SPMAP1: variants seen among roughly 807,000 people sequenced by gnomAD.
SPMAP1 encodes sperm microtubule associated protein 1.
chr17:38,838,702 C>A, the SPMAP1 span, among the ~76,000 whole-genome samples: 1 of 152,082 alleles, frequency 6.6e-6, no homozygotes, highest in African/African-American at 2.4e-5. Flanking sequence ...TTGCTTGAGC[C>A]CAGCAGTTCA....
chr17:38,835,471 C>A, the SPMAP1 span: 3 of 1,014,218 alleles, frequency 3.0e-6, no homozygotes, highest in Non-Finnish European at 4.4e-6. Flanking sequence ...GCTGAACACG[C>A]AATCCACAAG....
At chr17:38,838,799 T>A in the SPMAP1 span, among the ~76,000 whole-genome samples, 1 of 150,888 alleles carries the variant, frequency 6.6e-6, no homozygotes, top group South Asian at 2.1e-4. Flanking sequence ...AAAGCCTTTT[T>A]CAAGGCCGGG....
At chr17:38,836,802 G>GAA in the SPMAP1 span, among the ~76,000 whole-genome samples, 1 of 151,750 alleles carries the variant, frequency 6.6e-6, no homozygotes, top group Non-Finnish European at 1.5e-5. Context: ...AACCAGGTTG[G>GAA]CCAGGCTGGT....
At chr17:38,837,002 T>C in the SPMAP1 span, 5 of 682,250 alleles carry the variant, frequency 7.3e-6, no homozygotes, top group East Asian at 1.3e-4. Flanking sequence ...TTAACTAATA[T>C]TAGGGGGCAC....
chr17:38,840,711 TG>T, the SPMAP1 span, among the ~76,000 whole-genome samples: 2 of 112,734 alleles, frequency 1.8e-5, no homozygotes, highest in African/African-American at 3.5e-5. Context: ...GAGGCTGAGG[TG>T]GGAAGGTTGC....
chr17:38,838,548 T>C, the SPMAP1 span, among the ~76,000 whole-genome samples: 3 of 151,880 alleles, frequency 2.0e-5, no homozygotes, highest in African/African-American at 7.3e-5. Flanking sequence ...TGAAGTGAGC[T>C]GAGATCGTGC....
At chr17:38,835,206 G>GTTCTCC in the SPMAP1 span, 1 of 1,614,216 alleles carries the variant, frequency 6.2e-7, no homozygotes, top group Admixed American at 1.7e-5. Context: ...AGAGGGAAGT[G>GTTCTCC]GGTGACCTCT....
chr17:38,837,321 T>G, the SPMAP1 span: 1 of 919,300 alleles, frequency 1.1e-6, no homozygotes, highest in Non-Finnish European at 1.8e-6. Flanking sequence ...TGCCCTGGGG[T>G]TTGCTGTGGG....
At chr17:38,839,752 A>G in the SPMAP1 span, among the ~76,000 whole-genome samples, 1 of 151,902 alleles carries the variant, frequency 6.6e-6, no homozygotes, top group Non-Finnish European at 1.5e-5. Context: ...GTGAGCCGAG[A>G]TCCTGCCACT....
chr17:38,837,227 G>C, the SPMAP1 span: 1 of 1,612,908 alleles, frequency 6.2e-7, no homozygotes, highest in Non-Finnish European at 8.5e-7. Context: ...ATCCCTTCCT[G>C]TACCGCCATG....
chr17:38,837,086 G>T, the SPMAP1 span: 2 of 1,240,024 alleles, frequency 1.6e-6, no homozygotes, highest in Non-Finnish European at 2.4e-6. Flanking sequence ...CCCTCAACCA[G>T]GCCTTGCTAT....
At chr17:38,838,248 A>C in the SPMAP1 span, among the ~76,000 whole-genome samples, 9 of 152,130 alleles carry the variant, frequency 5.9e-5, no homozygotes, top group Admixed American at 3.3e-4. Context: ...AATAAATGTT[A>C]TCTTTATTTA....
chr17:38,837,677 TA>T, the SPMAP1 span, among the ~76,000 whole-genome samples: 574 of 111,238 alleles, frequency 5.2e-3, no homozygotes, highest in Admixed American at 7.7e-3. Flanking sequence ...AAACTCCATC[TA>T]AAAAAAAAAA....
chr17:38,841,284 G>A, the SPMAP1 span: 1 of 1,614,216 alleles, frequency 6.2e-7, no homozygotes, highest in South Asian at 1.1e-5. Context: ...GCCGACCACA[G>A]CTTGGGCCTA....
the SPMAP1 span, among the ~76,000 whole-genome samples, chr17:38,838,960 C>T: frequency 6.6e-6 from 1 of 151,174 alleles, no homozygotes; most frequent in African/African-American, 2.4e-5. Flanking sequence ...GTGGCGGGCG[C>T]TTGTAATCTC....
At chr17:38,835,785 G>C in the SPMAP1 span, among the ~76,000 whole-genome samples, 1 of 152,206 alleles carries the variant, frequency 6.6e-6, no homozygotes, top group Non-Finnish European at 1.5e-5. Flanking sequence ...AGCCAGGCTG[G>C]GAGGAGGGTT....
chr17:38,836,738 G>A, the SPMAP1 span, among the ~76,000 whole-genome samples: 30 of 151,864 alleles, frequency 2.0e-4, no homozygotes, highest in Admixed American at 5.9e-4. Flanking sequence ...TTCCAGGTGC[G>A]AGCCACCACG....
At chr17:38,837,292 AGGGGGACACAGTGCAAACTGCCCT>A in the SPMAP1 span, 2,340 of 1,256,662 alleles carry the variant, frequency 1.9e-3, 33 homozygotes, top group African/African-American at 0.031. Context: ...CACAATGCTG[AGGGGGACACAGTGCAAACTGCCCT>A]GGGGTTTGCT....
the SPMAP1 span, chr17:38,841,197 G>T: frequency 3.7e-6 from 6 of 1,613,764 alleles, no homozygotes; most frequent in East Asian, 1.3e-4. Context: ...TCAGTTTTCC[G>T]CAAAAGGGGC....
Sources: gnomAD v4.1 joint callset for allele counts (sites outside exome capture counted in the v4.1 genomes callset) on GRCh38, gnomAD v4.1.1 for gene constraint, MANE v1.5 for transcripts, NCBI Gene and HGNC (gene_info 2026-07-23, HGNC 2026-07-21) for gene names.